The following CPEB1 variants were observed in gnomAD, a reference collection of about 807,000 sequenced individuals.
CPEB1 encodes the protein cytoplasmic polyadenylation element-binding protein 1.
CPEB1 carries 7 observed loss-of-function variants against 65.8 expected under a neutral mutation model. The ratio of observed to expected loss-of-function variants is 0.11; its 90% CI spans 0.06 to 0.20. CPEB1 has a LOEUF of 0.20. CPEB1 is among the 10% of genes least tolerant of loss of function. The probability of loss-of-function intolerance (pLI) is 1.00; values close to 1 mark genes in which losing one functional copy is unlikely to be tolerated. For missense variants in CPEB1, 551 were observed against 712.2 expected, an observed-to-expected ratio of 0.77 and a Z score of 2.58; for synonymous variants, 262 against 260.0, an observed-to-expected ratio of 1.01 and a Z score of -0.08.
intron 4 of CPEB1, among the ~76,000 whole-genome samples, chr15:82,558,460 C>T (rs2037614549): frequency 6.6e-6 from 1 of 152,178 alleles, no homozygotes; most frequent in African/African-American, 2.4e-5. Flanking sequence ...TCTGGTATAG[C>T]ATAAGCATAC....
chr15:82,647,899 G>A (rs955057124), upstream of CPEB1: 2 of 1,231,402 alleles, frequency 1.6e-6, no homozygotes, highest in Non-Finnish European at 1.0e-6. Flanking sequence ...CGGGGCTGAC[G>A]GGCTGACCGG....
chr15:82,545,152 T>C (rs2034941351), intron 12 of CPEB1, among the ~76,000 whole-genome samples: 1 of 152,184 alleles, frequency 6.6e-6, no homozygotes, highest in African/African-American at 2.4e-5. Context: ...CTCAGTCTAG[T>C]CCCATCTCTT....
At chr15:82,590,761 T>C (rs768256844) in intron 3 of CPEB1, among the ~76,000 whole-genome samples, 14 of 152,120 alleles carry the variant, frequency 9.2e-5, no homozygotes, top group Non-Finnish European at 2.1e-4. Flanking sequence ...TGTGAGAACA[T>C]GTGGTATTTG....
At position 82,546,515 on chromosome 15, in the gene CPEB1, T is replaced by G; in HGVS notation, c.1582A>C (p.Ile528Leu). Residue 528 changes from isoleucine (I) to leucine (L), a missense_variant, in exon 12 of 13, where the codon ATT becomes CTT. Around this residue, in one of 6 missense-constraint regions of CPEB1, gnomAD observed 98 missense variants for 157.6 expected, o/e 0.62. Coordinates refer to ENST00000684509, the MANE Select transcript of CPEB1 (RefSeq NM_001365242.1). ...AGAGAATCTTCTAGGTAGGGGTCAA[T>G]CTGAACCTGCACAAAGGCAAAATAA... ...KTTKFTKKVQ[I>L]DPYLEDSLCH... 6.2e-7 allele frequency: 1 copy of G among 1,613,698 alleles called. No individual in the cohort carries two copies. Among genetic ancestry groups the G allele is most frequent in the Non-Finnish European group, 8.5e-7 (1 of 1,179,634 alleles).
At chr15:82,616,125 A>G (rs2044685210) in intron 3 of CPEB1, among the ~76,000 whole-genome samples, 1 of 152,024 alleles carries the variant, frequency 6.6e-6, no homozygotes, top group African/African-American at 2.4e-5. Flanking sequence ...TTCTTTGCAT[A>G]AAGATTTAAA....
At chr15:82,594,214 G>A (rs914729982) in intron 3 of CPEB1, among the ~76,000 whole-genome samples, 2 of 152,176 alleles carry the variant, frequency 1.3e-5, no homozygotes, top group Non-Finnish European at 2.9e-5. Flanking sequence ...TCTACATTGA[G>A]AATCTGTTGT....
At chr15:82,552,656 A>T (rs1422005343) in intron 8 of CPEB1, 40 bp from the exon 9 acceptor site, 26 of 1,609,224 alleles carry the variant, frequency 1.6e-5, no homozygotes, top group Non-Finnish European at 2.2e-5. Flanking sequence ...AATATCCCTT[A>T]GGTGGCCACT....
intron 1 of CPEB1, among the ~76,000 whole-genome samples, chr15:82,642,816 A>C (rs1486346843): frequency 6.6e-6 from 1 of 152,200 alleles, no homozygotes; most frequent in East Asian, 1.9e-4. Context: ...TAGCAGAGAA[A>C]ATAATTTGTT....
intron 3 of CPEB1, among the ~76,000 whole-genome samples, chr15:82,594,359 CAAAAA>C (rs367682928): frequency 3.2e-5 from 4 of 124,970 alleles, no homozygotes; most frequent in African/African-American, 6.8e-5. Context: ...CCTCATGAAC[CAAAAA>C]AAAAGAAAAG....
intron 1 of CPEB1, among the ~76,000 whole-genome samples, chr15:82,638,978 G>A (rs980342141): frequency 6.6e-6 from 1 of 152,130 alleles, no homozygotes; most frequent in Non-Finnish European, 1.5e-5. Flanking sequence ...TGCACTATCG[G>A]TACAAATGTC....
intron 3 of CPEB1, among the ~76,000 whole-genome samples, chr15:82,609,487 C>T (rs1480271710): frequency 2.0e-5 from 3 of 149,236 alleles, no homozygotes; most frequent in African/African-American, 7.4e-5. Flanking sequence ...GGCAACAGAG[C>T]GAGAGCCTGT....
chr15:82,579,913 C>T (rs1433241512), intron 3 of CPEB1, among the ~76,000 whole-genome samples: 37 of 66,906 alleles, frequency 5.5e-4, no homozygotes, highest in African/African-American at 2.0e-3. Flanking sequence ...AGTGAGACTC[C>T]GTCTCAAAAA....
At chr15:82,595,064 A>G (rs1346966676) in intron 3 of CPEB1, among the ~76,000 whole-genome samples, 1 of 152,232 alleles carries the variant, frequency 6.6e-6, no homozygotes, top group African/African-American at 2.4e-5. Flanking sequence ...AAGTAAGCAC[A>G]TACTTTTTGA....
intron 1 of CPEB1, among the ~76,000 whole-genome samples, chr15:82,633,779 G>A (rs1351660607): frequency 6.6e-6 from 1 of 152,126 alleles, no homozygotes; most frequent in African/African-American, 2.4e-5. Context: ...TCATCAACTA[G>A]GACAACAAAG....
At chr15:82,547,106 T>A in intron 11 of CPEB1, 37 bp downstream of exon 11, 1 of 1,434,838 alleles carries the variant, frequency 7.0e-7, no homozygotes, top group Non-Finnish European at 9.8e-7. Flanking sequence ...ACCCCTCTCA[T>A]ATACCCCAGA....
chr15:82,639,316 C>A (rs2046912508), intron 1 of CPEB1, among the ~76,000 whole-genome samples: 1 of 152,178 alleles, frequency 6.6e-6, no homozygotes, highest in South Asian at 2.1e-4. Flanking sequence ...GAGCAACCAC[C>A]ACACACAGCA....
chr15:82,636,131 C>A (rs1463227757), intron 1 of CPEB1, among the ~76,000 whole-genome samples: 1 of 152,208 alleles, frequency 6.6e-6, no homozygotes, highest in Admixed American at 6.5e-5. Flanking sequence ...AACCACCACA[C>A]CTTCCTTGAT....
intron 3 of CPEB1, among the ~76,000 whole-genome samples, chr15:82,605,462 T>C (rs1353668145): frequency 3.9e-5 from 6 of 152,184 alleles, no homozygotes; most frequent in African/African-American, 1.2e-4. Flanking sequence ...TGAAGAGCCA[T>C]TGTATAGAAT....
upstream of CPEB1, chr15:82,648,671 G>A (rs1448689864): frequency 1.3e-5 from 2 of 152,882 alleles, no homozygotes; most frequent in Non-Finnish European, 2.9e-5. Flanking sequence ...GGAAACCCCA[G>A]GCAAACGCAG....
Sources: allele counts gnomAD v4.1 joint callset (sites outside exome capture counted in the v4.1 genomes callset), GRCh38; gene constraint gnomAD v4.1.1; regional missense constraint gnomAD v4.1.1; transcripts MANE v1.5; gene names NCBI Gene and HGNC (gene_info 2026-07-23, HGNC 2026-07-21).